Variants in LRRC4C observed in about 807,000 individuals in gnomAD.
LRRC4C encodes the protein leucine rich repeat containing 4C.
In LRRC4C, 5 loss-of-function variants were observed where a neutral mutation model predicts 33.6. The observed-to-expected ratio is 0.15, with a 90% CI of 0.08 to 0.31. LRRC4C has a LOEUF of 0.31. LRRC4C is among the 10% of genes least tolerant of loss of function. The pLI is 1.00. For synonymous variants in LRRC4C, 329 were observed against 302.0 expected, an observed-to-expected ratio of 1.09 and a Z score of -0.93; for missense variants, 560 against 796.7, an observed-to-expected ratio of 0.70 and a Z score of 3.58.
At chr11:40,907,717 C>T (rs999943656) in intron 2 of LRRC4C, among the ~76,000 whole-genome samples, 1 of 152,130 alleles carries the variant, frequency 6.6e-6, no homozygotes, top group Non-Finnish European at 1.5e-5. Flanking sequence ...AGTGAAAACA[C>T]ATTATTCAAT....
chr11:41,419,448 G>T (rs1343345063), intron 1 of LRRC4C, among the ~76,000 whole-genome samples: 1 of 151,830 alleles, frequency 6.6e-6, no homozygotes, highest in African/African-American at 2.4e-5. Flanking sequence ...GAAGTAGAAG[G>T]ACACTCCAGG....
chr11:41,011,012 T>C (rs1855137319), intron 1 of LRRC4C, among the ~76,000 whole-genome samples: 1 of 152,228 alleles, frequency 6.6e-6, no homozygotes, highest in African/African-American at 2.4e-5. Context: ...TGGCTGTTAC[T>C]GGCTTGAACA....
At chr11:41,082,942 T>C (rs998695871) in intron 1 of LRRC4C, among the ~76,000 whole-genome samples, 14 of 151,992 alleles carry the variant, frequency 9.2e-5, no homozygotes, top group Admixed American at 5.2e-4. Context: ...CACCAATGAG[T>C]GGTTTGGCTG....
chr11:40,510,805 G>A (rs1955277364), intron 3 of LRRC4C, among the ~76,000 whole-genome samples: 1 of 152,008 alleles, frequency 6.6e-6, no homozygotes, highest in African/African-American at 2.4e-5. Context: ...CTAGAGAGAT[G>A]GCGAAATAGA....
chr11:40,407,020 AT>A (rs901398801), intron 3 of LRRC4C, among the ~76,000 whole-genome samples: 3 of 151,750 alleles, frequency 2.0e-5, no homozygotes, highest in Non-Finnish European at 4.4e-5. Context: ...TTGCAAAGGC[AT>A]TTTTTTTGTC....
intron 3 of LRRC4C, among the ~76,000 whole-genome samples, chr11:40,394,879 A>G (rs1949477700): frequency 1.3e-5 from 2 of 152,154 alleles, no homozygotes; most frequent in East Asian, 1.9e-4. Context: ...TTCCTACTGT[A>G]TCTATTTCTC....
chr11:40,562,785 G>A (rs747971217), intron 3 of LRRC4C, among the ~76,000 whole-genome samples: 1 of 152,158 alleles, frequency 6.6e-6, no homozygotes, highest in African/African-American at 2.4e-5. Flanking sequence ...AATTGTGTAT[G>A]TGAGTGGGTA....
intron 1 of LRRC4C, among the ~76,000 whole-genome samples, chr11:41,007,870 G>A (rs61887631): frequency 0.044 from 6,677 of 152,032 alleles, 196 homozygotes; most frequent in Non-Finnish European, 0.067. Context: ...GTGTCTGTCC[G>A]CCTACTTCCC....
intron 3 of LRRC4C, among the ~76,000 whole-genome samples, chr11:40,405,010 C>A (rs946869324): frequency 1.3e-5 from 2 of 152,062 alleles, no homozygotes; most frequent in African/African-American, 4.8e-5. Context: ...CTATTATTAA[C>A]TAGAGTCCTC....
intron 2 of LRRC4C, among the ~76,000 whole-genome samples, chr11:40,824,232 T>C (rs7932666): frequency 0.82 from 125,154 of 151,760 alleles, 53,102 homozygotes; most frequent in East Asian, 0.99. Context: ...TTGTACAATT[T>C]CATACATTTA....
At chr11:41,331,421 G>A (rs1320629390) in intron 1 of LRRC4C, among the ~76,000 whole-genome samples, 1 of 152,112 alleles carries the variant, frequency 6.6e-6, no homozygotes, top group Non-Finnish European at 1.5e-5. Context: ...ACCAATACAT[G>A]TAGATTTCAT....
chr11:40,311,440 A>C (rs1210412674), intron 4 of LRRC4C, among the ~76,000 whole-genome samples: 4 of 152,218 alleles, frequency 2.6e-5, no homozygotes, highest in African/African-American at 9.6e-5. Context: ...CTCAATGAGG[A>C]CAATGACAAC....
rs528309412 is a variant in LRRC4C, at chr11:41,414,929, G to A, written c.-496+44502C>T. Among the ~76,000 whole-genome samples the A allele has an allele frequency of 3.3e-5, 5 of 152,208 alleles. No homozygotes were observed. The East Asian group carries it at 9.7e-4, about 29-fold the overall frequency. The stretch of plus-strand genomic sequence containing the variant: ...AAGGAACCAGCAAATGCTGCTTGGG[G>A]AACTAAAATAATAACAGGCAACACT... On this transcript the variant is annotated intron_variant, in intron 1 of 6. Coordinates refer to ENST00000528697, the MANE Select transcript of LRRC4C (RefSeq NM_001258419.2).
intron 1 of LRRC4C, among the ~76,000 whole-genome samples, chr11:41,190,039 G>A (rs1191194716): frequency 6.6e-6 from 1 of 152,234 alleles, no homozygotes; most frequent in East Asian, 1.9e-4. Flanking sequence ...CAGAAAACAG[G>A]GAAATTTCTA....
At chr11:40,416,879 T>C (rs868042638) in intron 3 of LRRC4C, among the ~76,000 whole-genome samples, 1 of 152,344 alleles carries the variant, frequency 6.6e-6, no homozygotes, top group Admixed American at 6.5e-5. Context: ...CCATAGTATA[T>C]ACAATAAGCT....
At chr11:41,157,398 CT>C (rs900753073) in intron 1 of LRRC4C, among the ~76,000 whole-genome samples, 12 of 152,172 alleles carry the variant, frequency 7.9e-5, no homozygotes, top group Middle Eastern at 6.8e-3. Context: ...TTCTCTAAGG[CT>C]TTTGTAAAAG....
intron 6 of LRRC4C, among the ~76,000 whole-genome samples, chr11:40,129,730 T>TA (rs1455513272): frequency 6.6e-6 from 1 of 152,112 alleles, no homozygotes; most frequent in African/African-American, 2.4e-5. Context: ...ACCATTTATT[T>TA]AAAAATCCAT....
chr11:41,459,495 C>A lies in LRRC4C; in HGVS notation c.-560G>T, dbSNP rs1286915408. 6.6e-6 allele frequency: 1 copy of A among 151,916 alleles called. No individual in the cohort carries two copies. Among genetic ancestry groups the A allele is most frequent in the Non-Finnish European group, 1.5e-5 (1 of 68,018 alleles). The allele number at this position is 151,916 out of a possible 1,614,324, so 9.4% of individuals were successfully genotyped here. A position where few individuals can be genotyped will look rare whatever the true frequency, so the allele number is the denominator to read the frequency against. On this transcript the variant is annotated 5_prime_UTR_variant, in exon 1 of 7. Transcript: ENST00000528697. ...CAATCCTCTAGCTTGCCGTGCACTA[C>A]TCTATTTTCTTTTCTTCTTTTTATT... is the stretch of plus-strand genomic sequence containing the variant.
At chr11:41,163,857 C>G (rs1383565070) in intron 1 of LRRC4C, among the ~76,000 whole-genome samples, 1 of 152,046 alleles carries the variant, frequency 6.6e-6, no homozygotes, top group African/African-American at 2.4e-5. Context: ...GGTGATCCAC[C>G]TGCTTCAGCC....
Sources: allele counts gnomAD v4.1 joint callset (sites outside exome capture counted in the v4.1 genomes callset), GRCh38; gene constraint gnomAD v4.1.1; transcripts MANE v1.5; gene names NCBI Gene and HGNC (gene_info 2026-07-23, HGNC 2026-07-21).